Variants in ROBO2 observed in about 807,000 individuals in gnomAD.
ROBO2 encodes roundabout homolog 2.
In ROBO2, 53 loss-of-function variants were observed where a neutral mutation model predicts 160.8. That is an observed-to-expected ratio of 0.33 (90% CI 0.26 to 0.41). The LOEUF is 0.41. Ranked by LOEUF, ROBO2 falls within the 10% of genes least tolerant of loss-of-function variation. The probability of loss-of-function intolerance (pLI) is 1.00; values close to 1 mark genes in which losing one functional copy is unlikely to be tolerated. For missense variants in ROBO2, 1,577 were observed against 1,722.4 expected, an observed-to-expected ratio of 0.92 and a Z score of 1.49; for synonymous variants, 664 against 611.7, an observed-to-expected ratio of 1.09 and a Z score of -1.26.
At chr3:77,081,785 C>G (rs1164441330) in intron 1 of ROBO2, among the ~76,000 whole-genome samples, 1 of 152,176 alleles carries the variant, frequency 6.6e-6, no homozygotes, top group Admixed American at 6.5e-5. Flanking sequence ...GATGTAGACA[C>G]AGATACATAT....
chr3:77,268,138 G>C (rs1244240557), intron 2 of ROBO2, among the ~76,000 whole-genome samples: 1 of 152,116 alleles, frequency 6.6e-6, no homozygotes, highest in Non-Finnish European at 1.5e-5. Flanking sequence ...ACAGCTTACT[G>C]TTATAACATA....
At chr3:77,640,131 A>T (rs2095327872) in intron 24 of ROBO2, among the ~76,000 whole-genome samples, 1 of 52,582 alleles carries the variant, frequency 1.9e-5, no homozygotes. Flanking sequence ...TTTTTTTTTG[A>T]GACGGAGTCT....
intron 2 of ROBO2, among the ~76,000 whole-genome samples, chr3:76,380,269 T>C (rs746789445): frequency 6.6e-6 from 1 of 152,182 alleles, no homozygotes; most frequent in Non-Finnish European, 1.5e-5. Flanking sequence ...TTGGCACACA[T>C]TTCCTAATTC....
intron 2 of ROBO2, among the ~76,000 whole-genome samples, chr3:77,234,569 T>C (rs2087679201): frequency 6.6e-6 from 1 of 152,192 alleles, no homozygotes; most frequent in South Asian, 2.1e-4. Flanking sequence ...ATCTGGCATA[T>C]GAAAGGGACA....
chr3:77,468,905 C>T (rs900089862), intron 2 of ROBO2, among the ~76,000 whole-genome samples: 3 of 152,076 alleles, frequency 2.0e-5, no homozygotes, highest in African/African-American at 7.2e-5. Flanking sequence ...GCACAGCGGC[C>T]CCCGGATGTC....
At chr3:76,487,782 G>T (rs945352272) in intron 2 of ROBO2, among the ~76,000 whole-genome samples, 2 of 152,204 alleles carry the variant, frequency 1.3e-5, no homozygotes, top group African/African-American at 4.8e-5. Context: ...TCTCTTTGCA[G>T]TTGTAGGACT....
chr3:77,014,519 T>C (rs752356969), intron 2 of ROBO2, among the ~76,000 whole-genome samples: 56 of 152,312 alleles, frequency 3.7e-4, no homozygotes, highest in Non-Finnish European at 6.5e-4. Context: ...GTTTTCACAC[T>C]CACTTTCTAA....
At chr3:77,619,041 A>G (rs770192188) in intron 22 of ROBO2, among the ~76,000 whole-genome samples, 3 of 152,130 alleles carry the variant, frequency 2.0e-5, no homozygotes, top group Non-Finnish European at 2.9e-5. Context: ...ACCTTAAAAT[A>G]TATTGGTACC....
rs370155897 is a variant in ROBO2 at position 76,511,256 on chromosome 3, G to A, written c.109+573654G>A. On this transcript the variant is annotated intron_variant, in intron 2 of 26. Transcript: ENST00000487694. The stretch of plus-strand genomic sequence containing the variant: ...CTTGCTGTGATATGCAAAATTTTGC[G>A]TCCTTACTATTTTCAAATAGTGAAT... 3.6e-4 allele frequency among the ~76,000 whole-genome samples: 55 copies of A among 152,232 alleles called. 2 individuals carry two copies. Among genetic ancestry groups the A allele is most frequent in the South Asian group, 2.7e-3 (13 of 4,820 alleles).
At chr3:76,210,058 A>G (rs1276502185) in intron 2 of ROBO2, among the ~76,000 whole-genome samples, 1 of 152,152 alleles carries the variant, frequency 6.6e-6, no homozygotes, top group Non-Finnish European at 1.5e-5. Flanking sequence ...TAGAGCAGAG[A>G]GGAATAGCAT....
At chr3:76,770,410 TAATC>T (rs1255105173) in intron 2 of ROBO2, among the ~76,000 whole-genome samples, 2 of 151,266 alleles carry the variant, frequency 1.3e-5, no homozygotes, top group Non-Finnish European at 3.0e-5. Flanking sequence ...TGATCATAAT[TAATC>T]AATTACAAAT....
chr3:77,150,494 A>G (rs1402216407), intron 2 of ROBO2, among the ~76,000 whole-genome samples: 1 of 152,316 alleles, frequency 6.6e-6, no homozygotes, highest in East Asian at 1.9e-4. Context: ...AGTTAGCACA[A>G]ACATATGTTT....
At chr3:76,372,641 C>T (rs2076160958) in intron 2 of ROBO2, among the ~76,000 whole-genome samples, 1 of 151,854 alleles carries the variant, frequency 6.6e-6, no homozygotes, top group Non-Finnish European at 1.5e-5. Flanking sequence ...TTTGTGTAAG[C>T]AAGTGAGTCA....
intron 5 of ROBO2, among the ~76,000 whole-genome samples, chr3:77,520,206 G>A (rs2090453386): frequency 6.6e-6 from 1 of 151,168 alleles, no homozygotes; most frequent in African/African-American, 2.4e-5. Flanking sequence ...ATGTACTTAT[G>A]TGTCTTACTG....
At chr3:76,785,646 C>T (rs1270958762) in intron 2 of ROBO2, among the ~76,000 whole-genome samples, 1 of 151,154 alleles carries the variant, frequency 6.6e-6, no homozygotes. Context: ...GACCGAGACT[C>T]ACCTATCTGA....
chr3:77,095,296 T>A (rs999592004), intron 1 of ROBO2, among the ~76,000 whole-genome samples: 3 of 152,164 alleles, frequency 2.0e-5, no homozygotes, highest in African/African-American at 7.2e-5. Flanking sequence ...GTAAAATTCT[T>A]CGTGTGCTCA....
intron 2 of ROBO2, chr3:76,435,183 A>G: frequency 8.8e-7 from 1 of 1,130,934 alleles, no homozygotes; most frequent in Non-Finnish European, 1.4e-6. Flanking sequence ...AATCAACAGT[A>G]GGGATGTCAA....
chr3:77,381,186 C>A (rs548935668), intron 2 of ROBO2, among the ~76,000 whole-genome samples: 20 of 152,210 alleles, frequency 1.3e-4, no homozygotes, highest in African/African-American at 4.6e-4. Context: ...GTGGTGGCAC[C>A]TGCCTGTTGT....
At chr3:77,405,643 T>C (rs1389354833) in intron 2 of ROBO2, among the ~76,000 whole-genome samples, 2 of 151,786 alleles carry the variant, frequency 1.3e-5, no homozygotes, top group African/African-American at 4.8e-5. Flanking sequence ...TGAATATAAA[T>C]ATTAGTTATA....
Sources: gnomAD v4.1 joint callset for allele counts (sites outside exome capture counted in the v4.1 genomes callset) on GRCh38, gnomAD v4.1.1 for gene constraint, MANE v1.5 for transcripts, NCBI Gene and HGNC (gene_info 2026-07-23, HGNC 2026-07-21) for gene names.